TRPM7: variants seen among roughly 807,000 people sequenced by gnomAD.
TRPM7 encodes LTRPC ion channel family member 7.
Under a neutral mutation model 229.7 loss-of-function variants are expected in TRPM7, and 134 were observed. The ratio of observed to expected loss-of-function variants is 0.58; its 90% CI spans 0.51 to 0.67. TRPM7 has a LOEUF of 0.67. TRPM7 is among the 30% of genes least tolerant of loss of function. The probability of loss-of-function intolerance (pLI) is 0.00; values close to 1 mark genes in which losing one functional copy is unlikely to be tolerated. For missense variants in TRPM7, 1,901 were observed against 2,210.0 expected, an observed-to-expected ratio of 0.86 and a Z score of 2.80; for synonymous variants, 699 against 715.2, an observed-to-expected ratio of 0.98 and a Z score of 0.36.
chr15:50,613,085 A>G (rs2060108035), intron 15 of TRPM7, among the ~76,000 whole-genome samples: 1 of 152,274 alleles, frequency 6.6e-6, no homozygotes, highest in African/African-American at 2.4e-5. Context: ...CTAATAGAAC[A>G]TAATTTTAAT....
Position 50,561,472 on chromosome 15 carries a change from T to G in TRPM7, c.*206A>C, listed in dbSNP as rs1596034376. 1 of 496,880 alleles carries G rather than the reference T, an allele frequency of 2.0e-6. No homozygotes were observed. The highest frequency in any genetic ancestry group is 3.5e-5 in the East Asian group (1 of 28,472). The allele number at this position is 496,880 out of a possible 1,614,324, so 30.8% of individuals were successfully genotyped here. A position where few individuals can be genotyped will look rare whatever the true frequency, so the allele number is the denominator to read the frequency against. ...ACTAATTATCAATTACCTTTAAAAT[T>G]TCTCAGCTGCCAGCTCTATCCTATA... On this transcript the variant is annotated 3_prime_UTR_variant, in exon 39 of 39. Coordinates refer to ENST00000646667, the MANE Select transcript of TRPM7 (RefSeq NM_017672.6).
chr15:50,622,175 T>C (rs1048456599), intron 12 of TRPM7, among the ~76,000 whole-genome samples: 2 of 152,144 alleles, frequency 1.3e-5, no homozygotes, highest in Non-Finnish European at 2.9e-5. Context: ...TAAAAACAAA[T>C]ATTTTTTAAA....
At chr15:50,636,110 T>C (rs985216161) in intron 7 of TRPM7, among the ~76,000 whole-genome samples, 5 of 151,970 alleles carry the variant, frequency 3.3e-5, no homozygotes, top group Admixed American at 2.6e-4. Context: ...ATATGAATTT[T>C]TGCTTTTACA....
chr15:50,574,565 C>T, intron 35 of TRPM7, 72 bp downstream of exon 35: 6 of 1,546,970 alleles, frequency 3.9e-6, no homozygotes, highest in Non-Finnish European at 4.4e-6. Context: ...AAATATTCAA[C>T]ATCAAAAATG....
Position 50,592,261 on chromosome 15 carries a change from G to T in TRPM7, c.3974C>A (p.Pro1325His), listed in dbSNP as rs1270675478. 2 of 1,613,588 alleles carry T rather than the reference G, an allele frequency of 1.2e-6. No individual in the cohort carries two copies. The highest frequency in any genetic ancestry group is 2.7e-5 in the African/African-American group (2 of 74,788). Reference sequence around the variant, plus strand: ...GTCTTGACCAAATATATTACACTGGGGATCTTTGTCATCTTTCATTAAAAT... The same window carrying T: ...GTCTTGACCAAATATATTACACTGGTGATCTTTGTCATCTTTCATTAAAAT... ...CNILMKDDKD[P>H]QCNIFGQDLP... Residue 1325 changes from proline to histidine, a missense_variant, in exon 26 of 39, where the codon CCC (proline) becomes CAC (histidine). Transcript: ENST00000646667.
chr15:50,628,191 G>A lies in TRPM7; in HGVS notation c.1263C>T (p.Asp421=), dbSNP rs1335013100. 1.2e-6 allele frequency: 2 copies of A among 1,613,426 alleles called. No homozygotes were observed. Among genetic ancestry groups the A allele is most frequent in the South Asian group, 1.1e-5 (1 of 91,020 alleles). Residue 421 remains aspartate (D), a synonymous_variant, in exon 11 of 39, where the codon GAC becomes GAT. Coordinates refer to ENST00000646667, the MANE Select transcript of TRPM7 (RefSeq NM_017672.6). The stretch of plus-strand genomic sequence containing the variant: ...AAACAAATACATGATTTTTGGCAAT[G>A]TCAACTCTATCCCATGCCAATGTAA... ...LILTLAWDRV[D]IAKNHVFVYG... is the part of the protein sequence containing the mutation.
At position 50,607,789 on chromosome 15, in the gene TRPM7, G is replaced by A. The variant is rs182542830; in HGVS notation, c.2581-461C>T. Reference sequence around the variant, plus strand: ...GGGCACGCCGCGGTGGCTCACGCCTGTAATCCCAGAACTTTGGGAAGCCAA... The same window carrying A: ...GGGCACGCCGCGGTGGCTCACGCCTATAATCCCAGAACTTTGGGAAGCCAA... On this transcript the variant is annotated intron_variant, in intron 19 of 38. Transcript: ENST00000646667. Among the ~76,000 whole-genome samples the A allele has an allele frequency of 1.9e-3, 287 of 151,136 alleles. 3 individuals are homozygous for A. The highest frequency in any genetic ancestry group is 6.7e-3 in the African/African-American group (277 of 41,130).
intron 16 of TRPM7, 39 bp from the exon 17 acceptor site, chr15:50,611,360 A>G: frequency 6.6e-7 from 1 of 1,512,268 alleles, no homozygotes; most frequent in Non-Finnish European, 9.1e-7. Context: ...TCAGATTAAC[A>G]AACTGCAATT....
At chr15:50,669,801 C>T (rs1413128115) in intron 1 of TRPM7, among the ~76,000 whole-genome samples, 1 of 151,980 alleles carries the variant, frequency 6.6e-6, no homozygotes, top group Non-Finnish European at 1.5e-5. Context: ...AAAGGGATGG[C>T]TAATGTAAAA....
intron 12 of TRPM7, among the ~76,000 whole-genome samples, chr15:50,622,582 C>A (rs768665813): frequency 6.6e-5 from 10 of 152,174 alleles, no homozygotes; most frequent in Non-Finnish European, 1.3e-4. Flanking sequence ...ATGTGCTACA[C>A]ATACTAAAAG....
chr15:50,655,334 G>A (rs539953977), intron 3 of TRPM7, among the ~76,000 whole-genome samples: 2 of 151,092 alleles, frequency 1.3e-5, no homozygotes, highest in Admixed American at 1.3e-4. Context: ...TCAGATGGCT[G>A]AGGCAGGAGA....
At chr15:50,624,016 C>T in intron 12 of TRPM7, 150 bp downstream of exon 12, 1 of 752,736 alleles carries the variant, frequency 1.3e-6, no homozygotes, top group Non-Finnish European at 2.0e-6. Context: ...GACTGTAATA[C>T]AACCAATCCA....
rs145703373 is a variant in TRPM7 at position 50,558,549 on chromosome 15, C to T, written c.*3129G>A. ...CTCTACGAAAAATACAAAAATCAGC[C>T]AGGCATTATGGTGGGTACCTGTAAT... On this transcript the variant is annotated 3_prime_UTR_variant, in exon 39 of 39. Transcript: ENST00000646667. 1.5e-4 allele frequency: 23 copies of T among 152,010 alleles called. 1 individual carries two copies. The highest frequency in any genetic ancestry group is 5.3e-4 in the African/African-American group (22 of 41,474). The allele number at this position is 152,010 out of a possible 1,614,324, so 9.4% of individuals were successfully genotyped here. A position where few individuals can be genotyped will look rare whatever the true frequency, so the allele number is the denominator to read the frequency against.
intron 11 of TRPM7, among the ~76,000 whole-genome samples, chr15:50,626,276 T>C (rs2060556659): frequency 6.6e-6 from 1 of 152,282 alleles, no homozygotes; most frequent in Non-Finnish European, 1.5e-5. Flanking sequence ...TCTTAATTTA[T>C]GTAATTACTT....
chr15:50,610,683 G>GTA (rs1218212563), intron 17 of TRPM7, among the ~76,000 whole-genome samples: 2 of 151,994 alleles, frequency 1.3e-5, no homozygotes, highest in Non-Finnish European at 2.9e-5. Context: ...TCTATAATGG[G>GTA]TATATCAATA....
At chr15:50,617,334 TCAA>T (rs2060253302) in intron 13 of TRPM7, among the ~76,000 whole-genome samples, 2 of 119,938 alleles carry the variant, frequency 1.7e-5, no homozygotes, top group Non-Finnish European at 1.6e-5. Context: ...AGACTCCATC[TCAA>T]AAAAAAAAAA....
chr15:50,677,973 C>T (rs2140974873), intron 1 of TRPM7, among the ~76,000 whole-genome samples: 1 of 152,036 alleles, frequency 6.6e-6, no homozygotes, highest in Middle Eastern at 3.4e-3. Flanking sequence ...GGCGCAGTGG[C>T]TCATGCCTAT....
intron 30 of TRPM7, 23 bp downstream of exon 30, chr15:50,580,849 TAA>T: frequency 1.3e-6 from 2 of 1,578,838 alleles, no homozygotes; most frequent in Admixed American, 4.0e-5. Flanking sequence ...CTTCGCAAGC[TAA>T]TGGTAAGAAA....
intron 38 of TRPM7, among the ~76,000 whole-genome samples, chr15:50,568,773 G>A (rs1161618136): frequency 6.6e-6 from 1 of 151,970 alleles, no homozygotes; most frequent in Non-Finnish European, 1.5e-5. Context: ...CCAGGAATTC[G>A]AGAGCAGCCT....
Sources: allele counts gnomAD v4.1 joint callset (sites outside exome capture counted in the v4.1 genomes callset), GRCh38; gene constraint gnomAD v4.1.1; transcripts MANE v1.5; gene names NCBI Gene and HGNC (gene_info 2026-07-23, HGNC 2026-07-21).